Variants in PDC observed in about 807,000 individuals in gnomAD.
PDC encodes phosducin.
Under a neutral mutation model 22.2 loss-of-function variants are expected in PDC, and 19 were observed. That is an observed-to-expected ratio of 0.86 (90% CI 0.60 to 1.26). PDC has a LOEUF of 1.26. Among genes scored for constraint, PDC ranks in the 50% most tolerant of loss-of-function variants. PDC has a pLI of 0.00. For missense variants in PDC, 274 were observed against 286.8 expected (o/e 0.96, Z 0.32); for synonymous variants, 97 against 96.2 (o/e 1.01, Z -0.05).
Position 186,444,454 on chromosome 1 carries a change from C to G in PDC, c.266G>C (p.Cys89Ser), listed in dbSNP as rs780025844. The G allele has an allele frequency of 6.2e-7, 1 of 1,610,718 alleles. No homozygotes were observed. Among genetic ancestry groups the G allele is most frequent in the Non-Finnish European group, 8.5e-7 (1 of 1,177,100 alleles). ...ACACTGTCTACGGTATTTACGAAGGCAGTTTTCATCCTCTTTCTCTTTATG... is the reference window on the plus strand; with the variant it reads ...ACACTGTCTACGGTATTTACGAAGGGAGTTTTCATCCTCTTTCTCTTTATG... ...LIHKEKEDENCLRKYRRQCMQ... is the reference protein window; with the variant it reads ...LIHKEKEDENSLRKYRRQCMQ... The change falls in exon 4 of 4, where the codon TGC (cysteine) becomes TCC (serine). Residue 89 changes from cysteine to serine, a missense_variant. Cys to Ser is a moderately radical substitution (Grantham distance 112, BLOSUM62 -1). Transcript: ENST00000391997.
At chr1:186,452,325 GC>G (rs1228820503) in intron 1 of PDC, among the ~76,000 whole-genome samples, 1 of 152,088 alleles carries the variant, frequency 6.6e-6, no homozygotes, top group African/African-American at 2.4e-5. Flanking sequence ...TGCAACCTCT[GC>G]CTCCCAGGTT....
intron 2 of PDC, among the ~76,000 whole-genome samples, chr1:186,447,210 G>A (rs545106219): frequency 4.6e-5 from 7 of 151,990 alleles, no homozygotes; most frequent in South Asian, 4.2e-4. Context: ...GTGTAGGGGC[G>A]TGATTTTGGC....
chr1:186,455,145 C>G (rs556178737), intron 1 of PDC, among the ~76,000 whole-genome samples: 1 of 152,160 alleles, frequency 6.6e-6, no homozygotes, highest in Non-Finnish European at 1.5e-5. Context: ...CTAAAAGTCT[C>G]TAATCAAGAT....
intron 1 of PDC, among the ~76,000 whole-genome samples, chr1:186,459,760 A>G (rs201171691): frequency 0.19 from 17,481 of 93,890 alleles, 1,504 homozygotes; most frequent in East Asian, 0.4. Context: ...GTGTATATAT[A>G]TATATATATA....
At chr1:186,450,573 T>A (rs1183379900) in intron 1 of PDC, among the ~76,000 whole-genome samples, 1 of 151,968 alleles carries the variant, frequency 6.6e-6, no homozygotes, top group African/African-American at 2.4e-5. Flanking sequence ...CCTCAAGTGA[T>A]CCTCCCATCT....
At chr1:186,458,326 T>A (rs1662512647) in intron 1 of PDC, among the ~76,000 whole-genome samples, 1 of 140,894 alleles carries the variant, frequency 7.1e-6, no homozygotes, top group Admixed American at 7.7e-5. Context: ...GGACAAAAAA[T>A]TAGGGAACTA....
intron 1 of PDC, among the ~76,000 whole-genome samples, chr1:186,454,791 TA>T (rs972249874): frequency 6.6e-6 from 1 of 152,198 alleles, no homozygotes; most frequent in Non-Finnish European, 1.5e-5. Context: ...TATCAACCAA[TA>T]AAAAAATTAA....
At chr1:186,458,856 T>G (rs970921229) in intron 1 of PDC, among the ~76,000 whole-genome samples, 1 of 152,186 alleles carries the variant, frequency 6.6e-6, no homozygotes, top group African/African-American at 2.4e-5. Context: ...GAGCCCTTCA[T>G]GGTCCCAGCT....
At chr1:186,446,632 G>A (rs1336467497) in intron 2 of PDC, 55 bp from the exon 3 acceptor site, 10 of 1,067,162 alleles carry the variant, frequency 9.4e-6, no homozygotes, top group Non-Finnish European at 1.2e-5. Context: ...AAGGACTGTT[G>A]GCATAATTGA....
At position 186,443,917 on chromosome 1, in the gene PDC, T is replaced by C. The variant is rs60957652; in HGVS notation, c.*62A>G. The C allele has an allele frequency of 9.5e-3, 11,922 of 1,249,430 alleles. 868 individuals carry two copies. The African/African-American group carries it at 0.16, about 17-fold the overall frequency. 77.4% of individuals were successfully genotyped at this position (1,249,430 alleles called of 1,614,324 possible). On this transcript the variant is annotated 3_prime_UTR_variant, in exon 4 of 4. Transcript: ENST00000391997. ...TCTGTGTTCACTAAAGCAATATAGA[T>C]ACTACCAAAACCATCATCCAATACC...
chr1:186,446,238 T>C (rs1417910277), intron 3 of PDC, among the ~76,000 whole-genome samples, 188 bp downstream of exon 3: 2 of 152,244 alleles, frequency 1.3e-5, no homozygotes, highest in African/African-American at 4.8e-5. Context: ...ACGAATTCTT[T>C]TCATAACTGT....
intron 3 of PDC, among the ~76,000 whole-genome samples, chr1:186,446,014 T>G (rs1662220072): frequency 6.6e-6 from 1 of 152,242 alleles, no homozygotes; most frequent in South Asian, 2.1e-4. Flanking sequence ...CAGATACATT[T>G]CCAAAGTTTA....
chr1:186,445,183 GA>G (rs959291649), intron 3 of PDC, among the ~76,000 whole-genome samples: 2 of 151,768 alleles, frequency 1.3e-5, no homozygotes, highest in African/African-American at 4.8e-5. Flanking sequence ...AACCAAAAAA[GA>G]AAAAAAGGTA....
intron 1 of PDC, among the ~76,000 whole-genome samples, chr1:186,457,742 A>G (rs1406485411): frequency 6.6e-6 from 1 of 152,214 alleles, no homozygotes; most frequent in Non-Finnish European, 1.5e-5. Context: ...AATACAGGAC[A>G]CATGGTCCTC....
At chr1:186,451,373 C>A (rs915498265) in intron 1 of PDC, 1 of 152,092 alleles carries the variant, frequency 6.6e-6, no homozygotes, top group African/African-American at 2.4e-5. Flanking sequence ...ACAGAAAAGC[C>A]ATCTTATTAC....
chr1:186,446,848 G>T (rs1392654602), intron 2 of PDC, among the ~76,000 whole-genome samples: 1 of 152,122 alleles, frequency 6.6e-6, no homozygotes, highest in African/African-American at 2.4e-5. Flanking sequence ...ACTGGCAAAA[G>T]GTTGGGGTTA....
chr1:186,446,529 T>C lies in PDC; in HGVS notation c.110A>G (p.Gln37Arg), dbSNP rs562738209. ...NDWRKFKLES[Q>R]DSDSIPPSKK... ...GCTAGGTGGAATTGAATCACTGTCT[T>C]GACTCTCTAATTTAAACTTTCTCCA... The change falls in exon 3 of 4, where the codon CAA becomes CGA. Residue 37 changes from glutamine (Q) to arginine (R), a missense_variant. Coordinates refer to ENST00000391997, the MANE Select transcript of PDC (RefSeq NM_002597.5). 8.8e-6 allele frequency: 14 copies of C among 1,597,748 alleles called. No homozygotes were observed. The highest frequency in any genetic ancestry group is 8.0e-5 in the African/African-American group (6 of 74,760).
intron 1 of PDC, among the ~76,000 whole-genome samples, chr1:186,460,574 C>T (rs1662562153): frequency 6.6e-6 from 1 of 152,086 alleles, no homozygotes; most frequent in Admixed American, 6.6e-5. Flanking sequence ...TTCAGGAAAA[C>T]AACATAGTAT....
rs1211926146 is a variant in PDC at position 186,446,473 on chromosome 1, G to A, written c.166C>T (p.Pro56Ser). The change falls in exon 3 of 4, where the codon CCT becomes TCT. Residue 56 changes from proline to serine, a missense_variant. Pro to Ser is a moderately conservative substitution (Grantham distance 74). Transcript: ENST00000391997. ...KKEILRQMSS[P>S]QSRNGKDSKE... ...GAATCTTTGCCATTCCTACTCTGAG[G>A]AGAAGACATTTGCCTGAGAATCTCC... 1.9e-6 allele frequency: 3 copies of A among 1,608,992 alleles called. No individual in the cohort carries two copies. The highest frequency in any genetic ancestry group is 1.3e-5 in the African/African-American group (1 of 74,920).
Sources: allele counts gnomAD v4.1 joint callset (sites outside exome capture counted in the v4.1 genomes callset), GRCh38; gene constraint gnomAD v4.1.1; transcripts MANE v1.5; gene names NCBI Gene and HGNC (gene_info 2026-07-23, HGNC 2026-07-21).